The following SNTG1 variants were observed in gnomAD, a reference collection of about 807,000 sequenced individuals.
SNTG1 encodes the protein gamma-1-syntrophin.
In SNTG1, 39 loss-of-function variants were observed where a neutral mutation model predicts 74.7. The observed-to-expected ratio is 0.52, with a 90% CI of 0.40 to 0.68. The LOEUF is 0.68. SNTG1 is among the 30% of genes least tolerant of loss of function. The pLI, the probability that SNTG1 is intolerant of heterozygous loss-of-function variation, is 0.00. For missense variants in SNTG1, 685 were observed against 609.5 expected (o/e 1.12, Z -1.30); for synonymous variants, 254 against 217.1 (o/e 1.17, Z -1.49).
chr8:50,471,523 A>G (rs891567233), intron 8 of SNTG1, among the ~76,000 whole-genome samples: 1 of 152,216 alleles, frequency 6.6e-6, no homozygotes, highest in African/African-American at 2.4e-5. Flanking sequence ...TAGAAATGCA[A>G]AATGGCACAG....
At chr8:50,780,039 C>T (rs1361615012) in intron 18 of SNTG1, among the ~76,000 whole-genome samples, 2 of 152,172 alleles carry the variant, frequency 1.3e-5, no homozygotes, top group African/African-American at 4.8e-5. Flanking sequence ...AGCCTTGCAT[C>T]CTAGGGATGA....
At chr8:50,626,605 A>G (rs2094957932) in intron 13 of SNTG1, among the ~76,000 whole-genome samples, 2 of 152,356 alleles carry the variant, frequency 1.3e-5, no homozygotes, top group East Asian at 1.9e-4. Context: ...TGGGCCAAAC[A>G]AAGGGATTGC....
intron 2 of SNTG1, among the ~76,000 whole-genome samples, chr8:50,334,117 G>C (rs1254829868): frequency 6.6e-6 from 1 of 152,106 alleles, no homozygotes; most frequent in Non-Finnish European, 1.5e-5. Flanking sequence ...GGCTGGTCTA[G>C]AACTCCTGAC....
At chr8:50,036,212 A>G (rs1818147918) in intron 1 of SNTG1, among the ~76,000 whole-genome samples, 1 of 152,202 alleles carries the variant, frequency 6.6e-6, no homozygotes, top group Non-Finnish European at 1.5e-5. Flanking sequence ...TATCTCTCTT[A>G]AACACACACA....
At chr8:49,978,906 T>C (rs894443064) in intron 1 of SNTG1, among the ~76,000 whole-genome samples, 1 of 152,196 alleles carries the variant, frequency 6.6e-6, no homozygotes, top group Non-Finnish European at 1.5e-5. Flanking sequence ...TGCCTGACCC[T>C]AGACGTCAGT....
chr8:50,648,926 A>G (rs888314341), intron 13 of SNTG1, among the ~76,000 whole-genome samples: 2 of 152,134 alleles, frequency 1.3e-5, no homozygotes, highest in African/African-American at 4.8e-5. Flanking sequence ...CCAACCATGA[A>G]TGCATTCCAA....
At chr8:50,221,050 T>C (rs1167750364) in intron 2 of SNTG1, among the ~76,000 whole-genome samples, 4 of 152,158 alleles carry the variant, frequency 2.6e-5, no homozygotes, top group Non-Finnish European at 5.9e-5. Flanking sequence ...TTACATATAT[T>C]ATATTATCTG....
chr8:50,278,939 G>A (rs10103030), intron 2 of SNTG1, among the ~76,000 whole-genome samples: 2 of 152,034 alleles, frequency 1.3e-5, no homozygotes, highest in African/African-American at 4.8e-5. Flanking sequence ...GAAGTCCTTT[G>A]AGGGATCATT....
intron 13 of SNTG1, among the ~76,000 whole-genome samples, chr8:50,655,017 T>C (rs753479873): frequency 5.9e-5 from 9 of 152,214 alleles, no homozygotes; most frequent in Non-Finnish European, 1.3e-4. Context: ...AGCACACCTA[T>C]GGCAAAAGTT....
intron 2 of SNTG1, among the ~76,000 whole-genome samples, chr8:50,292,939 G>A (rs1283496056): frequency 6.6e-6 from 1 of 152,152 alleles, no homozygotes; most frequent in Non-Finnish European, 1.5e-5. Context: ...AGCAGAGGAG[G>A]TGGAGAAGGA....
intron 2 of SNTG1, among the ~76,000 whole-genome samples, chr8:50,207,175 G>T (rs1470784627): frequency 6.6e-6 from 1 of 152,200 alleles, no homozygotes; most frequent in East Asian, 1.9e-4. Flanking sequence ...GGTAGAATTC[G>T]ACTGTGAATC....
chr8:50,531,984 C>T (rs1443043057), intron 10 of SNTG1, among the ~76,000 whole-genome samples: 2 of 152,108 alleles, frequency 1.3e-5, no homozygotes, highest in Non-Finnish European at 2.9e-5. Context: ...AATGTCCTTC[C>T]TTATAAAACT....
chr8:50,180,799 T>G (rs2083177353), intron 2 of SNTG1, among the ~76,000 whole-genome samples: 1 of 140,148 alleles, frequency 7.1e-6, no homozygotes, highest in Non-Finnish European at 1.5e-5. Flanking sequence ...TTGCTCTTGT[T>G]GCCCAAGCTG....
chr8:50,426,563 CA>C (rs760773253), intron 4 of SNTG1, among the ~76,000 whole-genome samples: 3 of 150,986 alleles, frequency 2.0e-5, no homozygotes, highest in African/African-American at 7.3e-5. Context: ...TATTAAAAGT[CA>C]AAAAAATAAA....
At chr8:50,112,189 A>G (rs1586324963) in intron 1 of SNTG1, among the ~76,000 whole-genome samples, 1 of 152,290 alleles carries the variant, frequency 6.6e-6, no homozygotes, top group East Asian at 1.9e-4. Context: ...GACTAAAACT[A>G]AATTTGCATT....
At chr8:50,565,977 G>T (rs1006737218) in intron 12 of SNTG1, among the ~76,000 whole-genome samples, 1 of 151,736 alleles carries the variant, frequency 6.6e-6, no homozygotes, top group Non-Finnish European at 1.5e-5. Flanking sequence ...ATTTTTTTAC[G>T]GAAATTTTCA....
intron 17 of SNTG1, among the ~76,000 whole-genome samples, chr8:50,722,737 G>T (rs1585639128): frequency 1.3e-5 from 2 of 152,222 alleles, no homozygotes; most frequent in South Asian, 4.1e-4. Flanking sequence ...AGTAGTAAAA[G>T]TGCTGGGATT....
At chr8:50,221,838 A>G (rs1342697617) in intron 2 of SNTG1, among the ~76,000 whole-genome samples, 1 of 152,162 alleles carries the variant, frequency 6.6e-6, no homozygotes, top group Non-Finnish European at 1.5e-5. Flanking sequence ...TTATCAAGAC[A>G]GGGGAATTGC....
intron 13 of SNTG1, among the ~76,000 whole-genome samples, chr8:50,634,975 T>C (rs1236667943): frequency 6.6e-6 from 1 of 152,196 alleles, no homozygotes; most frequent in Non-Finnish European, 1.5e-5. Flanking sequence ...CCTTTGGGAT[T>C]GGTCTACCAC....
Sources: allele counts gnomAD v4.1 joint callset (sites outside exome capture counted in the v4.1 genomes callset), GRCh38; gene constraint gnomAD v4.1.1; transcripts MANE v1.5; gene names NCBI Gene and HGNC (gene_info 2026-07-23, HGNC 2026-07-21).